CORO7: variants seen among roughly 807,000 people sequenced by gnomAD.
CORO7 encodes the protein coronin 7.
Under a neutral mutation model 126.6 loss-of-function variants are expected in CORO7, and 107 were observed. The ratio of observed to expected loss-of-function variants is 0.85; its 90% CI spans 0.72 to 0.99. The LOEUF (loss-of-function observed/expected upper bound fraction) is 0.99. Ranked by LOEUF, CORO7 falls within the 50% of genes least tolerant of loss-of-function variation. CORO7 has a pLI of 0.00. For missense variants in CORO7, 1,314 were observed against 1,255.8 expected, an observed-to-expected ratio of 1.05 and a Z score of -0.70; for synonymous variants, 603 against 536.8, an observed-to-expected ratio of 1.12 and a Z score of -1.70.
intron 6 of CORO7, among the ~76,000 whole-genome samples, chr16:4,398,392 G>A (rs1011531004): frequency 4.6e-5 from 7 of 152,290 alleles, no homozygotes; most frequent in African/African-American, 1.7e-4. Context: ...GGCCGGGCGC[G>A]GTGGCTCACG....
intron 9 of CORO7, chr16:4,380,799 C>T (rs750983007): frequency 2.1e-6 from 3 of 1,401,368 alleles, no homozygotes; most frequent in South Asian, 1.5e-5. Context: ...CCCTCTGGCT[C>T]TTCCTGGCGT....
At chr16:4,361,537 G>A (rs1940074023) in intron 16 of CORO7, 68 bp from the exon 17 acceptor site, 16 of 1,552,544 alleles carry the variant, frequency 1.0e-5, no homozygotes, top group Admixed American at 3.8e-5. Context: ...CAGGGGCTGC[G>A]GGCAAGCAGC....
At chr16:4,397,915 T>G (rs977939503) in intron 6 of CORO7, among the ~76,000 whole-genome samples, 2 of 151,780 alleles carry the variant, frequency 1.3e-5, no homozygotes, top group South Asian at 4.2e-4. Context: ...GTGCCTAGCC[T>G]TTTTTGTTTG....
At position 4,355,487 on chromosome 16, in the gene CORO7, C is replaced by T. The variant is rs1262472223; in HGVS notation, c.2686-115G>A. 9.9e-6 allele frequency: 11 copies of T among 1,114,462 alleles called. 1 individual carries two copies. The highest frequency in any genetic ancestry group is 4.8e-5 in the Admixed American group (2 of 41,788). The allele number at this position is 1,114,462 out of a possible 1,614,324, so 69.0% of individuals were successfully genotyped here. A position where few individuals can be genotyped will look rare whatever the true frequency, so the allele number is the denominator to read the frequency against. On this transcript the variant is annotated intron_variant, in intron 26 of 27. Coordinates refer to ENST00000251166, the MANE Select transcript of CORO7 (RefSeq NM_024535.5). ...AAAGAACTTTTTTTTTTTTTTTAGA[C>T]GGAGTCTTGCTCTGTCGCCCAGGCT...
intron 1 of CORO7, among the ~76,000 whole-genome samples, chr16:4,416,087 G>A (rs1277624961): frequency 6.6e-6 from 1 of 152,144 alleles, no homozygotes; most frequent in Non-Finnish European, 1.5e-5. Flanking sequence ...GAGGAGCCAG[G>A]CGCCGGCAGC....
intron 2 of CORO7, chr16:4,412,733 CTT>C (rs2056260517): frequency 2.5e-6 from 1 of 400,156 alleles, no homozygotes; most frequent in Non-Finnish European, 4.5e-6. Context: ...CCGTCAGCCA[CTT>C]TTCGCACTTT....
At chr16:4,381,414 C>T (rs779180537) in intron 9 of CORO7, 3 of 1,585,098 alleles carry the variant, frequency 1.9e-6, no homozygotes. Context: ...TCAGCCACAA[C>T]AGCCTCCTGG....
chr16:4,370,465 T>G (rs1343980151), intron 9 of CORO7, among the ~76,000 whole-genome samples: 3 of 152,196 alleles, frequency 2.0e-5, no homozygotes, highest in Non-Finnish European at 2.9e-5. Context: ...AACCACCTGA[T>G]TTTTCAATGT....
chr16:4,396,753 C>T (rs545388582), intron 6 of CORO7, among the ~76,000 whole-genome samples: 1 of 152,096 alleles, frequency 6.6e-6, no homozygotes, highest in Non-Finnish European at 1.5e-5. Flanking sequence ...TGGTGGCTCA[C>T]GCCTGTAATC....
chr16:4,389,902 A>G (rs538553061), intron 7 of CORO7, among the ~76,000 whole-genome samples: 1 of 152,216 alleles, frequency 6.6e-6, no homozygotes, highest in East Asian at 1.9e-4. Context: ...AAGGCCTCCC[A>G]GGGGCCAGAA....
At chr16:4,372,737 G>A (rs1329135132) in intron 9 of CORO7, among the ~76,000 whole-genome samples, 29 of 152,178 alleles carry the variant, frequency 1.9e-4, no homozygotes, top group Admixed American at 1.8e-3. Context: ...CAGCCGATTG[G>A]TGCCAACCAT....
At chr16:4,369,891 T>C (rs2054467943) in intron 9 of CORO7, among the ~76,000 whole-genome samples, 1 of 151,806 alleles carries the variant, frequency 6.6e-6, no homozygotes, top group Admixed American at 6.6e-5. Flanking sequence ...AGACTGCTGG[T>C]AACCAGGTTC....
chr16:4,356,195 C>T (rs866504055), intron 26 of CORO7, among the ~76,000 whole-genome samples: 5 of 152,022 alleles, frequency 3.3e-5, no homozygotes, highest in African/African-American at 1.2e-4. Context: ...TCAGGTGATC[C>T]GCCCTCCTCG....
chr16:4,401,544 T>C (rs1033640837), intron 6 of CORO7, among the ~76,000 whole-genome samples: 2 of 152,070 alleles, frequency 1.3e-5, no homozygotes, highest in African/African-American at 4.8e-5. Context: ...TTCAGAGGGA[T>C]GGCGAGGGAC....
intron 6 of CORO7, 120 bp downstream of exon 6, chr16:4,405,371 C>A: frequency 9.0e-7 from 1 of 1,116,910 alleles, no homozygotes; most frequent in South Asian, 1.9e-5. Context: ...CACAGATGAC[C>A]ATCCTGACCT....
chr16:4,382,872 A>C, intron 9 of CORO7: 2 of 1,555,132 alleles, frequency 1.3e-6, no homozygotes, highest in Admixed American at 1.9e-5. Context: ...GCCTCCAGTC[A>C]CCCCTCCACG....
chr16:4,379,132 G>C (rs777459500), intron 9 of CORO7, among the ~76,000 whole-genome samples: 2 of 151,916 alleles, frequency 1.3e-5, no homozygotes, highest in Non-Finnish European at 2.9e-5. Context: ...CCCCAGCCTG[G>C]GGCGGAGTGC....
chr16:4,367,220 C>A (rs2054375572), intron 9 of CORO7, among the ~76,000 whole-genome samples: 1 of 152,206 alleles, frequency 6.6e-6, no homozygotes, highest in African/African-American at 2.4e-5. Flanking sequence ...TCAGCAATGC[C>A]CTTTGCATCC....
At position 4,357,966 on chromosome 16, in the gene CORO7, A is replaced by C. The variant is rs760111111; in HGVS notation, c.2593+2T>G. On this transcript the variant is annotated splice_donor_variant, in intron 25 of 27. Transcript: ENST00000251166. LOFTEE classifies it high-confidence loss of function. ...CTCCCCACACCCAGTCCCTCGGTGC[A>C]CCTGGGCTCATGTCAGGAGGCTGCA... 9.4e-6 allele frequency: 15 copies of C among 1,598,688 alleles called. No homozygotes were observed. Among genetic ancestry groups the C allele is most frequent in the Non-Finnish European group, 1.3e-5 (15 of 1,167,868 alleles).
Sources: gnomAD v4.1 joint callset for allele counts (sites outside exome capture counted in the v4.1 genomes callset) on GRCh38, gnomAD v4.1.1 for gene constraint, MANE v1.5 for transcripts, NCBI Gene and HGNC (gene_info 2026-07-23, HGNC 2026-07-21) for gene names.